DMXL1: variants seen among roughly 807,000 people sequenced by gnomAD.
The protein encoded by DMXL1 is Dmx like 1, also known as dmX-like protein 1.
In DMXL1, 99 loss-of-function variants were observed where a neutral mutation model predicts 319.2. That is an observed-to-expected ratio of 0.31 (90% confidence interval 0.26 to 0.37). The LOEUF is 0.37. Ranked by LOEUF, DMXL1 falls within the 10% of genes least tolerant of loss-of-function variation. The pLI is 1.00. For synonymous variants in DMXL1, 1,385 were observed against 1,235.2 expected (o/e 1.12, Z -2.54); for missense variants, 3,745 against 3,595.6 (o/e 1.04, Z -1.06).
chr5:119,245,897 TAAA>T (rs59524263), intron 43 of DMXL1, among the ~76,000 whole-genome samples: 1 of 144,434 alleles, frequency 6.9e-6, no homozygotes, highest in Non-Finnish European at 1.5e-5. Context: ...TAATCAAGGT[TAAA>T]AAAAAAAAAG....
At chr5:119,165,043 A>C (rs1160368129) in intron 20 of DMXL1, 140 bp from the exon 21 acceptor site, 1 of 571,170 alleles carries the variant, frequency 1.8e-6, no homozygotes. Context: ...TATTTTATAT[A>C]TACATGCACA....
chr5:119,086,417 T>A (rs1284318777), intron 1 of DMXL1, among the ~76,000 whole-genome samples: 1 of 152,234 alleles, frequency 6.6e-6, no homozygotes, highest in Non-Finnish European at 1.5e-5. Flanking sequence ...TGGTGAATGA[T>A]CTTTTAATGT....
intron 1 of DMXL1, chr5:119,081,823 A>C (rs2149693632): frequency 1.5e-6 from 1 of 676,578 alleles, no homozygotes; most frequent in East Asian, 1.3e-4. Flanking sequence ...TTAAGAAAAG[A>C]GTTCCTTTGG....
chr5:119,081,692 C>A lies in DMXL1; in HGVS notation c.87+10036C>A, dbSNP rs1198946711. 3 of 985,182 alleles carry A rather than the reference C, an allele frequency of 3.0e-6. No individual in the cohort carries two copies. In the East Asian group the frequency reaches 3.4e-4, roughly 112 times the overall value. 61.0% of individuals were successfully genotyped at this position (985,182 alleles called of 1,614,324 possible). A position where few individuals can be genotyped will look rare whatever the true frequency, so the allele number is the denominator to read the frequency against. ...CCAACTTAGACTTTACCAATTTTAA[C>A]CAGAGGTACCCTTGCTTAACCTTTT... On this transcript the variant is annotated intron_variant, in intron 1 of 43. Coordinates refer to ENST00000539542, the MANE Select transcript of DMXL1 (RefSeq NM_001290321.3).
intron 13 of DMXL1, among the ~76,000 whole-genome samples, chr5:119,139,715 A>T (rs1457657129): frequency 1.3e-5 from 2 of 152,184 alleles, no homozygotes; most frequent in Non-Finnish European, 2.9e-5. Context: ...TAGACAGCTC[A>T]TCGAGGCAGA....
chr5:119,133,030 A>C, intron 10 of DMXL1, 102 bp from the exon 11 acceptor site: 3 of 1,302,278 alleles, frequency 2.3e-6, no homozygotes, highest in Non-Finnish European at 3.2e-6. Context: ...CTCCTTAGGC[A>C]TGAGATCTCC....
intron 13 of DMXL1, among the ~76,000 whole-genome samples, chr5:119,138,599 G>A (rs1440830131): frequency 2.6e-5 from 4 of 152,172 alleles, no homozygotes; most frequent in Non-Finnish European, 5.9e-5. Flanking sequence ...AGCACTTTTG[G>A]AGGCCGTGGC....
intron 33 of DMXL1, among the ~76,000 whole-genome samples, chr5:119,203,651 A>G (rs1198612349): frequency 6.6e-6 from 1 of 152,186 alleles, no homozygotes; most frequent in Non-Finnish European, 1.5e-5. Flanking sequence ...TTTTCTCGAT[A>G]AAAATGTTTA....
rs77644082 is a variant in DMXL1, at chr5:119,199,240, A to G, written c.7745+1284A>G. On this transcript the variant is annotated intron_variant, in intron 32 of 43. Coordinates refer to ENST00000539542, the MANE Select transcript of DMXL1 (RefSeq NM_001290321.3). Reference sequence around the variant, plus strand: ...TCTCCTCCCCACTTCCCCCTCAAGTAGACCCCACTGTCTGTTGTTCCCTTC... The same window carrying G: ...TCTCCTCCCCACTTCCCCCTCAAGTGGACCCCACTGTCTGTTGTTCCCTTC... 4.2e-3 allele frequency among the ~76,000 whole-genome samples: 639 copies of G among 152,204 alleles called. 4 individuals carry two copies. Among genetic ancestry groups the G allele is most frequent in the Non-Finnish European group, 7.4e-3 (503 of 67,992 alleles).
In DMXL1 at chr5:119,247,154, A is replaced by C; in HGVS notation, c.9082A>C (p.Ile3028Leu). The C allele has an allele frequency of 6.2e-7, 1 of 1,614,156 alleles. No individual in the cohort carries two copies. The highest frequency in any genetic ancestry group is 8.5e-7 in the Non-Finnish European group (1 of 1,180,006). Residue 3028 changes from isoleucine (I) to leucine (L), a missense_variant, in exon 44 of 44, where the codon ATA (isoleucine) becomes CTA (leucine). Ile to Leu is a conservative substitution (Grantham distance 5). Coordinates refer to ENST00000539542, the MANE Select transcript of DMXL1 (RefSeq NM_001290321.3). ...AGCTGATGGAACAATGAAAATGAGA[A>C]TACTGCCAGATCAGTTTAGCCCTTT... ...CGADGTMKMRILPDQFSPLNE... is the reference protein window; with the variant it reads ...CGADGTMKMRLLPDQFSPLNE...
At chr5:119,174,810 C>G (rs1474553353) in intron 25 of DMXL1, among the ~76,000 whole-genome samples, 2 of 152,176 alleles carry the variant, frequency 1.3e-5, no homozygotes, top group East Asian at 3.9e-4. Context: ...TCTAGTTTCA[C>G]TCTCTTCAAA....
At chr5:119,127,321 C>T (rs1763820250) in intron 9 of DMXL1, 1 of 205,772 alleles carries the variant, frequency 4.9e-6, no homozygotes, top group Non-Finnish European at 1.0e-5. Flanking sequence ...TATTGGCTAC[C>T]ACAGCAAGTG....
chr5:119,216,975 T>C lies in DMXL1; in HGVS notation c.8001T>C (p.Phe2667=). 1 of 1,582,676 alleles carries C rather than the reference T, an allele frequency of 6.3e-7. No individual in the cohort carries two copies. The highest frequency in any genetic ancestry group is 8.6e-7 in the Non-Finnish European group (1 of 1,159,432). ...AGGAATCTGATATCATTACTGCGTT[T>C]GCTGTTAATAAGGTAAGTACATAGA... ...IHKESDIITA[F]AVNKANRNCI... is the part of the protein sequence containing the mutation. The change falls in exon 35 of 44, where the codon TTT becomes TTC. Residue 2667 remains phenylalanine (F), a synonymous_variant. Coordinates refer to ENST00000539542, the MANE Select transcript of DMXL1 (RefSeq NM_001290321.3).
rs1315095056 is a variant in DMXL1, at chr5:119,146,940, A to T, written c.2673A>T (p.Ser891=). The T allele has an allele frequency of 2.5e-6, 4 of 1,612,396 alleles. No individual in the cohort carries two copies. The highest frequency in any genetic ancestry group is 1.6e-4 in the Middle Eastern group (1 of 6,074). The change falls in exon 16 of 44, where the codon TCA becomes TCT. Residue 891 remains serine, a synonymous_variant. Coordinates refer to ENST00000539542, the MANE Select transcript of DMXL1 (RefSeq NM_001290321.3). The stretch of plus-strand genomic sequence containing the variant: ...ACATGTGGAATTTACATCTAAAGTC[A>T]ATTCCTGTCTCATTAGGTGAGTCTT... ...LLHMWNLHLK[S]IPVSLDEKVD...
chr5:119,188,783 G>C (rs1778202690), intron 28 of DMXL1, among the ~76,000 whole-genome samples: 1 of 152,132 alleles, frequency 6.6e-6, no homozygotes, highest in Admixed American at 6.6e-5. Flanking sequence ...GTTAAACTCA[G>C]CTTGACTATA....
At chr5:119,162,061 G>C (rs1772392326) in intron 19 of DMXL1, among the ~76,000 whole-genome samples, 1 of 152,170 alleles carries the variant, frequency 6.6e-6, no homozygotes, top group East Asian at 1.9e-4. Context: ...AGAACACTGG[G>C]GAAGCTCAAT....
chr5:119,195,159 C>T (rs893038966), intron 30 of DMXL1, among the ~76,000 whole-genome samples: 1 of 151,922 alleles, frequency 6.6e-6, no homozygotes, highest in Admixed American at 6.6e-5. Context: ...AACGTAAAAT[C>T]GTGCAGCAAC....
intron 38 of DMXL1, among the ~76,000 whole-genome samples, chr5:119,232,514 A>G (rs1786952949): frequency 6.6e-6 from 1 of 152,158 alleles, no homozygotes; most frequent in African/African-American, 2.4e-5. Context: ...GGTGCCTTAT[A>G]TATGTGATCT....
Position 119,102,015 on chromosome 5 carries a change from T to C in DMXL1, c.285+9T>C, listed in dbSNP as rs1757387335. On this transcript the variant is annotated intron_variant, in intron 3 of 43. Coordinates refer to ENST00000539542, the MANE Select transcript of DMXL1 (RefSeq NM_001290321.3). ...AACAAAAGAAAAATTTGGTCAGTAATTTATGATTTCTTCTTTTAGGAATTG... is the reference window on the plus strand; with the variant it reads ...AACAAAAGAAAAATTTGGTCAGTAACTTATGATTTCTTCTTTTAGGAATTG... 6.5e-7 allele frequency: 1 copy of C among 1,533,438 alleles called. No individual in the cohort carries two copies. Among genetic ancestry groups the C allele is most frequent in the South Asian group, 1.2e-5 (1 of 85,244 alleles). 95.0% of individuals were successfully genotyped at this position (1,533,438 alleles called of 1,614,324 possible). A position where few individuals can be genotyped will look rare whatever the true frequency, so the allele number is the denominator to read the frequency against.
Sources: gnomAD v4.1 joint callset for allele counts (sites outside exome capture counted in the v4.1 genomes callset) on GRCh38, gnomAD v4.1.1 for gene constraint, MANE v1.5 for transcripts, NCBI Gene and HGNC (gene_info 2026-07-23, HGNC 2026-07-21) for gene names.